EYA1: variants seen among roughly 807,000 people sequenced by gnomAD.
EYA1 encodes the protein protein phosphatase EYA1.
A neutral mutation model predicts 82.0 loss-of-function variants in EYA1; 16 were observed. The ratio of observed to expected loss-of-function variants is 0.20; its 90% CI spans 0.13 to 0.30. EYA1 has a LOEUF of 0.30. Ranked by LOEUF, EYA1 falls within the 10% of genes least tolerant of loss-of-function variation. The probability of loss-of-function intolerance (pLI) is 1.00; values close to 1 mark genes in which losing one functional copy is unlikely to be tolerated. For missense variants in EYA1, 633 were observed against 730.7 expected, an observed-to-expected ratio of 0.87 and a Z score of 1.54; for synonymous variants, 261 against 264.4, an observed-to-expected ratio of 0.99 and a Z score of 0.12.
chr8:71,380,982 CT>C (rs1461563243), intron 2 of EYA1, among the ~76,000 whole-genome samples: 1 of 152,276 alleles, frequency 6.6e-6, no homozygotes, highest in African/African-American at 2.4e-5. Flanking sequence ...TCAATCCACA[CT>C]GCAGCCTGCA....
At chr8:71,535,768 G>C (rs949618885) in exon 2 of EYA1, 5 of 1,520,242 alleles carry the variant, frequency 3.3e-6, no homozygotes, top group Non-Finnish European at 4.4e-6. Flanking sequence ...TCCCCCGGGG[G>C]TCTTCCATTG....
chr8:71,368,302 CCCTCTGCTGCACGATTA>C (rs1271208338), intron 2 of EYA1, among the ~76,000 whole-genome samples: 2 of 151,828 alleles, frequency 1.3e-5, no homozygotes, highest in African/African-American at 4.8e-5. Flanking sequence ...CGTAGAGGAG[CCCTCTGCTGCACGATTA>C]TCATTGACAA....
intron 2 of EYA1, among the ~76,000 whole-genome samples, chr8:71,431,435 T>G (rs1345278642): frequency 6.6e-6 from 1 of 152,186 alleles, no homozygotes; most frequent in African/African-American, 2.4e-5. Flanking sequence ...GTCACTCTTC[T>G]GTGGATGACT....
Position 71,494,022 on chromosome 8 carries a change from C to CAAAAAAAAAAAAAAAAAA in EYA1, c.33+41704_33+41721dup, listed in dbSNP as rs34340467. The stretch of plus-strand genomic sequence containing the variant: ...TGGGCGACAGAGCGAGACTCCGTCT[C>CAAAAAAAAAAAAAAAAAA]AAAAAAAAAAAAAAAAAAAAAAAGA... On this transcript the variant is annotated intron_variant, in intron 2 of 18. Transcript: ENST00000643681. Among the ~76,000 whole-genome samples the CAAAAAAAAAAAAAAAAAA allele has an allele frequency of 2.5e-3, 103 of 41,814 alleles. 1 individual carries two copies. The highest frequency in any genetic ancestry group is 2.6e-3 in the East Asian group (3 of 1,136). The allele number at this position is 41,814 out of a possible 152,430, so 27.4% of individuals were successfully genotyped here. A position where few individuals can be genotyped will look rare whatever the true frequency, so the allele number is the denominator to read the frequency against.
At chr8:71,495,502 C>G (rs1188467453) in intron 2 of EYA1, among the ~76,000 whole-genome samples, 1 of 152,004 alleles carries the variant, frequency 6.6e-6, no homozygotes, top group East Asian at 1.9e-4. Context: ...ATCCCAGCTA[C>G]TCGGGAGGCT....
chr8:71,478,106 C>G (rs1277509786), intron 2 of EYA1, among the ~76,000 whole-genome samples: 1 of 152,090 alleles, frequency 6.6e-6, no homozygotes, highest in Non-Finnish European at 1.5e-5. Flanking sequence ...TGGTTGCATA[C>G]ATTGTGAATA....
intron 12 of EYA1, among the ~76,000 whole-genome samples, chr8:71,221,413 C>T (rs1388901379): frequency 1.3e-5 from 2 of 152,030 alleles, no homozygotes; most frequent in African/African-American, 4.8e-5. Context: ...TTCTTTCACC[C>T]CCAAGTCACA....
chr8:71,452,770 C>G (rs532527309), intron 2 of EYA1, among the ~76,000 whole-genome samples: 1 of 152,052 alleles, frequency 6.6e-6, no homozygotes, highest in East Asian at 1.9e-4. Context: ...CCAATTTGCA[C>G]GTCACCATCA....
intron 9 of EYA1, among the ~76,000 whole-genome samples, chr8:71,290,182 T>C (rs551991449): frequency 4.6e-5 from 7 of 152,226 alleles, no homozygotes; most frequent in Non-Finnish European, 1.0e-4. Flanking sequence ...GTTCTACCTT[T>C]ATTTAAAACT....
At chr8:71,520,270 T>C (rs1425608609) in intron 2 of EYA1, among the ~76,000 whole-genome samples, 1 of 151,604 alleles carries the variant, frequency 6.6e-6, no homozygotes, top group African/African-American at 2.4e-5. Flanking sequence ...TAGCTGGGCC[T>C]GTGAAGAAAC....
intron 12 of EYA1, among the ~76,000 whole-genome samples, chr8:71,238,731 A>G (rs188852992): frequency 3.3e-5 from 5 of 152,120 alleles, no homozygotes; most frequent in African/African-American, 4.8e-5. Flanking sequence ...AGTCTTCTAC[A>G]TATCAAATTA....
chr8:71,336,220 T>G (rs1824466717), intron 3 of EYA1, among the ~76,000 whole-genome samples: 1 of 152,102 alleles, frequency 6.6e-6, no homozygotes, highest in Non-Finnish European at 1.5e-5. Context: ...AGTGGGACTT[T>G]CCAATAGTAC....
intron 2 of EYA1, among the ~76,000 whole-genome samples, chr8:71,472,827 A>G (rs1254006606): frequency 6.9e-6 from 1 of 143,898 alleles, no homozygotes; most frequent in Non-Finnish European, 1.5e-5. Flanking sequence ...GTCAGTGAGT[A>G]TATGCATATA....
chr8:71,238,402 A>T (rs909456647), intron 12 of EYA1, among the ~76,000 whole-genome samples: 8 of 152,126 alleles, frequency 5.3e-5, no homozygotes, highest in Non-Finnish European at 1.0e-4. Context: ...ATTTTTGCTG[A>T]TTTATCCTTT....
chr8:71,359,074 T>C (rs757231396), intron 1 of EYA1, among the ~76,000 whole-genome samples: 5 of 152,162 alleles, frequency 3.3e-5, no homozygotes, highest in African/African-American at 4.8e-5. Context: ...TTCACTTTAA[T>C]GCTTTTTAAA....
chr8:71,534,508 C>A (rs1439836860), intron 2 of EYA1, among the ~76,000 whole-genome samples: 2 of 152,160 alleles, frequency 1.3e-5, no homozygotes, highest in Non-Finnish European at 2.9e-5. Flanking sequence ...AATTCCCATC[C>A]AATAGCAGTT....
intron 2 of EYA1, among the ~76,000 whole-genome samples, chr8:71,527,663 C>T (rs982698352): frequency 2.0e-5 from 3 of 152,190 alleles, no homozygotes; most frequent in Non-Finnish European, 4.4e-5. Flanking sequence ...CTTTATTCAC[C>T]AGTTCTGCAT....
At chr8:71,349,054 T>C (rs766012973) in intron 3 of EYA1, among the ~76,000 whole-genome samples, 51 of 152,226 alleles carry the variant, frequency 3.4e-4, no homozygotes, top group Non-Finnish European at 5.1e-4. Flanking sequence ...CATCTCCATT[T>C]GATCTCAGAG....
intron 2 of EYA1, among the ~76,000 whole-genome samples, chr8:71,523,164 T>C (rs1813531464): frequency 1.5e-5 from 2 of 136,434 alleles, no homozygotes; most frequent in African/African-American, 2.9e-5. Flanking sequence ...TCTTTTTCTT[T>C]TCTTTTTTCT....
Sources: gnomAD v4.1 joint callset for allele counts (sites outside exome capture counted in the v4.1 genomes callset) on GRCh38, gnomAD v4.1.1 for gene constraint, MANE v1.5 for transcripts, NCBI Gene and HGNC (gene_info 2026-07-23, HGNC 2026-07-21) for gene names.